CFAP54: variants seen among roughly 807,000 people sequenced by gnomAD.
The protein encoded by CFAP54 is cilia and flagella associated protein 54.
In CFAP54, 290 loss-of-function variants were observed where a neutral mutation model predicts 370.4. The ratio of observed to expected loss-of-function variants is 0.78; its 90% CI spans 0.71 to 0.86. CFAP54 has a LOEUF of 0.86. Among genes scored for constraint, CFAP54 ranks in the 40% least tolerant of loss-of-function variants. The probability of loss-of-function intolerance (pLI) is 0.00; values close to 1 mark genes in which losing one functional copy is unlikely to be tolerated. For synonymous variants in CFAP54, 1,206 were observed against 1,236.5 expected, an observed-to-expected ratio of 0.98 and a Z score of 0.52; for missense variants, 3,399 against 3,528.7, an observed-to-expected ratio of 0.96 and a Z score of 0.93.
At chr12:96,865,875 T>C (rs780557967) in intron 67 of CFAP54, among the ~76,000 whole-genome samples, 1 of 152,112 alleles carries the variant, frequency 6.6e-6, no homozygotes, top group South Asian at 2.1e-4. Flanking sequence ...TGTTAAACTA[T>C]ATACATATGC....
intron 32 of CFAP54, among the ~76,000 whole-genome samples, chr12:96,635,661 A>T (rs1440331678): frequency 6.6e-6 from 1 of 152,270 alleles, no homozygotes; most frequent in Non-Finnish European, 1.5e-5. Flanking sequence ...GGCCACTCAC[A>T]AATGTGATAC....
At chr12:96,563,895 A>G (rs564575064) in intron 17 of CFAP54, among the ~76,000 whole-genome samples, 12 of 152,272 alleles carry the variant, frequency 7.9e-5, no homozygotes. Flanking sequence ...CCTCATCCAC[A>G]TTCCTGTCTT....
At chr12:96,824,889 T>G (rs1241482130) in intron 65 of CFAP54, among the ~76,000 whole-genome samples, 1 of 152,030 alleles carries the variant, frequency 6.6e-6, no homozygotes, top group Non-Finnish European at 1.5e-5. Flanking sequence ...TTCCTTACTT[T>G]TACATGACCT....
chr12:96,642,583 C>G (rs1956743508), intron 32 of CFAP54, among the ~76,000 whole-genome samples: 1 of 152,168 alleles, frequency 6.6e-6, no homozygotes, highest in Non-Finnish European at 1.5e-5. Flanking sequence ...GGAGTTTTCT[C>G]TTTTTCTAAT....
chr12:96,701,769 A>G (rs1957493519), intron 46 of CFAP54, among the ~76,000 whole-genome samples: 1 of 151,524 alleles, frequency 6.6e-6, no homozygotes, highest in South Asian at 2.1e-4. Flanking sequence ...TGAGGCTGCA[A>G]TGAGGAGGAG....
At chr12:96,663,085 G>A (rs909053325) in intron 38 of CFAP54, among the ~76,000 whole-genome samples, 4 of 152,074 alleles carry the variant, frequency 2.6e-5, no homozygotes, top group African/African-American at 7.2e-5. Context: ...GTAAAGATCC[G>A]TTTAAGGAAG....
chr12:96,595,068 C>T (rs963673430), intron 25 of CFAP54, among the ~76,000 whole-genome samples: 1 of 152,198 alleles, frequency 6.6e-6, no homozygotes. Flanking sequence ...GCTGTGATTT[C>T]CTCTGAGGCT....
At chr12:96,751,294 C>G (rs1338985000) in intron 55 of CFAP54, among the ~76,000 whole-genome samples, 1 of 152,026 alleles carries the variant, frequency 6.6e-6, no homozygotes, top group Non-Finnish European at 1.5e-5. Flanking sequence ...GAAGCCAGTC[C>G]TCATCTCTGC....
rs921045099 is a variant in CFAP54 at position 96,658,058 on chromosome 12, A to G, written c.5277A>G (p.Lys1759=). 1.2e-6 allele frequency: 2 copies of G among 1,614,066 alleles called. No homozygotes were observed. Among genetic ancestry groups the G allele is most frequent in the African/African-American group, 1.3e-5 (1 of 75,054 alleles). Residue 1759 remains lysine (K), a synonymous_variant, in exon 37 of 68, where the codon AAA becomes AAG. Transcript: ENST00000524981. ...TGGAAGTTTTATATCAAGTGGAAAAATGGGAAACACTAGTATCTCTTGCCA... is the reference window on the plus strand; with the variant it reads ...TGGAAGTTTTATATCAAGTGGAAAAGTGGGAAACACTAGTATCTCTTGCCA... The part of the protein sequence containing the change: ...KSLEVLYQVE[K]WETLVSLAIQ...
chr12:96,595,271 T>A (rs1276371836), intron 25 of CFAP54, among the ~76,000 whole-genome samples: 1 of 151,952 alleles, frequency 6.6e-6, no homozygotes, highest in African/African-American at 2.4e-5. Flanking sequence ...TCTAGGGTAA[T>A]GAAATCATGA....
intron 58 of CFAP54, among the ~76,000 whole-genome samples, chr12:96,762,420 G>A (rs182365758): frequency 3.9e-5 from 6 of 152,216 alleles, no homozygotes; most frequent in African/African-American, 1.4e-4. Flanking sequence ...CCTTGCCCGG[G>A]TTTTCTTTCC....
chr12:96,786,867 C>G lies in CFAP54; in HGVS notation c.8648C>G (p.Ser2883Ter). The G allele has an allele frequency of 1.3e-5, 20 of 1,534,264 alleles. No individual in the cohort carries two copies. Among genetic ancestry groups the G allele is most frequent in the Non-Finnish European group, 1.7e-5 (20 of 1,145,994 alleles). ...TGTCAACTGGAAAATCCCCCTCTTT[C>G]AGAAAAAGACTTACGTGAATCATCT... ...LLCQLENPPL[S>*]EKDLRESSAK... is the part of the protein sequence containing the mutation. The change falls in exon 62 of 68, where the codon TCA (serine) becomes TGA (stop). Residue 2883 changes from serine (S) to a stop codon, truncating the protein, a stop_gained. Coordinates refer to ENST00000524981, the MANE Select transcript of CFAP54 (RefSeq NM_001306084.2). LOFTEE classifies it high-confidence loss of function.
intron 64 of CFAP54, among the ~76,000 whole-genome samples, chr12:96,813,431 G>A (rs1410867674): frequency 1.3e-5 from 2 of 152,078 alleles, no homozygotes; most frequent in Non-Finnish European, 2.9e-5. Context: ...GAGTAAAACA[G>A]GTCAGAAAAA....
chr12:96,797,810 A>G (rs1958781541), intron 63 of CFAP54, among the ~76,000 whole-genome samples: 1 of 152,016 alleles, frequency 6.6e-6, no homozygotes, highest in Admixed American at 6.6e-5. Context: ...ATATTGTCTA[A>G]CAATATTACC....
intron 47 of CFAP54, among the ~76,000 whole-genome samples, chr12:96,707,995 T>TG (rs147081644): frequency 6.6e-6 from 1 of 152,254 alleles, no homozygotes; most frequent in African/African-American, 2.4e-5. Flanking sequence ...GTACTTAAAA[T>TG]GGGACAATTT....
At chr12:96,735,128 T>C (rs189446592) in intron 50 of CFAP54, among the ~76,000 whole-genome samples, 222 of 152,352 alleles carry the variant, frequency 1.5e-3, no homozygotes, top group African/African-American at 5.1e-3. Context: ...TATTCCCTGA[T>C]AGGTTCTCCA....
intron 26 of CFAP54, among the ~76,000 whole-genome samples, chr12:96,602,906 A>G (rs1392937158): frequency 6.6e-6 from 1 of 152,164 alleles, no homozygotes; most frequent in Non-Finnish European, 1.5e-5. Flanking sequence ...TTGACCCTTT[A>G]TCCAATTTGC....
intron 32 of CFAP54, among the ~76,000 whole-genome samples, chr12:96,639,213 T>A (rs944200741): frequency 6.6e-6 from 1 of 152,050 alleles, no homozygotes; most frequent in Non-Finnish European, 1.5e-5. Context: ...GAGAGAAGAA[T>A]CAAATGGACG....
intron 51 of CFAP54, 74 bp downstream of exon 51, chr12:96,740,135 ATTAT>A (rs1958034842): frequency 2.3e-6 from 2 of 855,252 alleles, no homozygotes; most frequent in Admixed American, 2.5e-5. Flanking sequence ...ATATTGTCTA[ATTAT>A]TTAGATGAAG....
Sources: allele counts gnomAD v4.1 joint callset (sites outside exome capture counted in the v4.1 genomes callset), GRCh38; gene constraint gnomAD v4.1.1; transcripts MANE v1.5; gene names NCBI Gene and HGNC (gene_info 2026-07-23, HGNC 2026-07-21).